HIPK2: variants seen among roughly 807,000 people sequenced by gnomAD.
HIPK2 encodes the protein homeodomain interacting protein kinase 2.
In HIPK2, 27 loss-of-function variants were observed where a neutral mutation model predicts 113.7. The ratio of observed to expected loss-of-function variants is 0.24; its 90% CI spans 0.17 to 0.33. HIPK2 has a LOEUF of 0.33. HIPK2 is among the 10% of genes least tolerant of loss of function. The pLI, the probability that HIPK2 is intolerant of heterozygous loss-of-function variation, is 1.00. For missense variants in HIPK2, 1,257 were observed against 1,588.0 expected, an observed-to-expected ratio of 0.79 and a Z score of 3.54; for synonymous variants, 631 against 642.2, an observed-to-expected ratio of 0.98 and a Z score of 0.26.
chr7:139,724,102 A>T (rs1004831720), intron 1 of HIPK2, among the ~76,000 whole-genome samples: 1 of 152,136 alleles, frequency 6.6e-6, no homozygotes, highest in Non-Finnish European at 1.5e-5. Flanking sequence ...TGCACATAAG[A>T]CATAACAAAA....
At chr7:139,707,828 A>G (rs1302565047) in intron 2 of HIPK2, among the ~76,000 whole-genome samples, 1 of 152,194 alleles carries the variant, frequency 6.6e-6, no homozygotes, top group Non-Finnish European at 1.5e-5. Flanking sequence ...TGCGCTATCC[A>G]TCGTAAGTCA....
intron 12 of HIPK2, among the ~76,000 whole-genome samples, chr7:139,593,611 G>A (rs1799099090): frequency 6.6e-6 from 1 of 152,202 alleles, no homozygotes; most frequent in Non-Finnish European, 1.5e-5. Flanking sequence ...TCCCTCTGAA[G>A]GTCATCGGCT....
chr7:139,584,207 G>A, intron 12 of HIPK2, 143 bp from the exon 13 acceptor site: 2 of 1,140,274 alleles, frequency 1.8e-6, no homozygotes, highest in Non-Finnish European at 1.2e-6. Context: ...ACCCCCATAG[G>A]GAGACTGGGC....
chr7:139,563,742 C>A lies in HIPK2; in HGVS notation c.*9185G>T. On this transcript the variant is annotated 3_prime_UTR_variant, in exon 15 of 15. Transcript: ENST00000406875. ...CCACCAAAAGACTGTCCTAAGAACACGCTGTCAATACAGTTCACAGGGAAA... is the reference window on the plus strand; with the variant it reads ...CCACCAAAAGACTGTCCTAAGAACAAGCTGTCAATACAGTTCACAGGGAAA... The A allele has an allele frequency of 2.5e-6, 1 of 398,196 alleles. No homozygotes were observed. The highest frequency in any genetic ancestry group is 4.4e-6 in the Non-Finnish European group (1 of 225,992). The allele number at this position is 398,196 out of a possible 1,614,324, so 24.7% of individuals were successfully genotyped here. A position where few individuals can be genotyped will look rare whatever the true frequency, so the allele number is the denominator to read the frequency against.
intron 7 of HIPK2, 22 bp downstream of exon 7, chr7:139,620,379 T>C: frequency 6.2e-7 from 1 of 1,613,644 alleles, no homozygotes; most frequent in East Asian, 2.2e-5. Flanking sequence ...CCGCCTCTCC[T>C]TCCCTTCTGT....
intron 2 of HIPK2, among the ~76,000 whole-genome samples, chr7:139,648,678 C>G (rs1224629887): frequency 3.9e-5 from 6 of 152,278 alleles, no homozygotes; most frequent in Admixed American, 3.3e-4. Context: ...CAACGCCCCC[C>G]ACCCTTCTCA....
rs560991872 is a variant in HIPK2, at chr7:139,638,787, A to T, written c.1104-7062T>A. Among the ~76,000 whole-genome samples the T allele has an allele frequency of 2.7e-5, 4 of 150,546 alleles. 2 individuals carry two copies. The South Asian group carries it at 8.4e-4, about 31-fold the overall frequency. ...ATTCTCCTGCCTCAGCCTCCTGAGTAGTTGGGACTACAGGCGCCCACCACC... is the reference window on the plus strand; with the variant it reads ...ATTCTCCTGCCTCAGCCTCCTGAGTTGTTGGGACTACAGGCGCCCACCACC... On this transcript the variant is annotated intron_variant, in intron 2 of 14. Transcript: ENST00000406875.
At chr7:139,668,598 TTTTCA>T (rs1802145145) in intron 2 of HIPK2, among the ~76,000 whole-genome samples, 2 of 151,902 alleles carry the variant, frequency 1.3e-5, no homozygotes, top group Admixed American at 1.3e-4. Context: ...TATGATTTAC[TTTTCA>T]TTTAACTGGG....
chr7:139,751,590 A>G (rs28733552), intron 1 of HIPK2, among the ~76,000 whole-genome samples: 273 of 145,868 alleles, frequency 1.9e-3, no homozygotes, highest in East Asian at 5.6e-3. Context: ...TTGGATGGAT[A>G]GATGGATGGA....
chr7:139,687,136 C>G (rs114296939), intron 2 of HIPK2, among the ~76,000 whole-genome samples: 1 of 152,202 alleles, frequency 6.6e-6, no homozygotes, highest in Non-Finnish European at 1.5e-5. Context: ...AAAATGATGT[C>G]TTGCTATGTT....
chr7:139,675,757 C>A (rs1802475969), intron 2 of HIPK2, among the ~76,000 whole-genome samples: 1 of 152,110 alleles, frequency 6.6e-6, no homozygotes, highest in African/African-American at 2.4e-5. Flanking sequence ...AGGTGGACCC[C>A]CAATCTAGTG....
At chr7:139,650,657 G>A (rs1801426837) in intron 2 of HIPK2, among the ~76,000 whole-genome samples, 1 of 152,168 alleles carries the variant, frequency 6.6e-6, no homozygotes, top group Non-Finnish European at 1.5e-5. Flanking sequence ...CAATAAGACA[G>A]CGCAGAAATG....
intron 9 of HIPK2, among the ~76,000 whole-genome samples, chr7:139,606,442 T>C (rs1799618091): frequency 6.6e-6 from 1 of 152,026 alleles, no homozygotes; most frequent in Admixed American, 6.6e-5. Flanking sequence ...AAAATGATAG[T>C]AAAGGAATAA....
At chr7:139,610,085 CTCTT>C (rs1444767986) in intron 9 of HIPK2, among the ~76,000 whole-genome samples, 1 of 152,184 alleles carries the variant, frequency 6.6e-6, no homozygotes, top group Non-Finnish European at 1.5e-5. Context: ...TCTAGGGACT[CTCTT>C]TCAAGGAAGC....
At chr7:139,702,751 CGGA>C (rs1794748795) in intron 2 of HIPK2, among the ~76,000 whole-genome samples, 1 of 152,172 alleles carries the variant, frequency 6.6e-6, no homozygotes, top group Non-Finnish European at 1.5e-5. Context: ...CCTGGGCACA[CGGA>C]GGCTGGATCA....
chr7:139,717,543 T>C (rs372328579), intron 1 of HIPK2, among the ~76,000 whole-genome samples: 2 of 152,136 alleles, frequency 1.3e-5, no homozygotes, highest in African/African-American at 4.8e-5. Flanking sequence ...GCTGGCATCT[T>C]TGTCATCGAT....
At chr7:139,658,557 G>A (rs145003715) in intron 2 of HIPK2, among the ~76,000 whole-genome samples, 355 of 152,300 alleles carry the variant, frequency 2.3e-3, no homozygotes, top group African/African-American at 8.3e-3. Flanking sequence ...CTAATTTAAT[G>A]CCCACACTAG....
At chr7:139,750,000 C>T (rs765728730) in intron 1 of HIPK2, among the ~76,000 whole-genome samples, 24 of 152,336 alleles carry the variant, frequency 1.6e-4, no homozygotes, top group African/African-American at 3.1e-4. Context: ...CATCGCTGAC[C>T]GCTCTCCAAC....
Position 139,605,649 on chromosome 7 carries a change from C to T in HIPK2, c.2113-1426G>A, listed in dbSNP as rs111649837. Among the ~76,000 whole-genome samples the T allele has an allele frequency of 4.3e-3, 654 of 152,174 alleles. 2 individuals carry two copies. Among genetic ancestry groups the T allele is most frequent in the African/African-American group, 0.014 (597 of 41,518 alleles). ...GCTGAGTGGACCAGTTCACCTGTTCCGTTATTTTCATGTTGCACCTGAGGC... is the reference window on the plus strand; with the variant it reads ...GCTGAGTGGACCAGTTCACCTGTTCTGTTATTTTCATGTTGCACCTGAGGC... On this transcript the variant is annotated intron_variant, in intron 9 of 14. Coordinates refer to ENST00000406875, the MANE Select transcript of HIPK2 (RefSeq NM_022740.5).
Sources: gnomAD v4.1 joint callset for allele counts (sites outside exome capture counted in the v4.1 genomes callset) on GRCh38, gnomAD v4.1.1 for gene constraint, MANE v1.5 for transcripts, NCBI Gene and HGNC (gene_info 2026-07-23, HGNC 2026-07-21) for gene names.